The following IGSF21 variants were observed in gnomAD, a reference collection of about 807,000 sequenced individuals.
IGSF21 encodes immunoglobulin superfamily member 21.
IGSF21 carries 28 observed loss-of-function variants against 46.8 expected under a neutral mutation model. That is an observed-to-expected ratio of 0.60 (90% CI 0.44 to 0.82). The LOEUF (loss-of-function observed/expected upper bound fraction) is 0.82, where lower values mean the gene tolerates loss of function less well. Ranked by LOEUF, IGSF21 falls within the 40% of genes least tolerant of loss-of-function variation. The pLI, the probability that IGSF21 is intolerant of heterozygous loss-of-function variation, is 0.00. For synonymous variants in IGSF21, 284 were observed against 273.6 expected (o/e 1.04, Z -0.38); for missense variants, 624 against 665.5 (o/e 0.94, Z 0.69).
At chr1:18,203,465 C>A (rs1218654787) in intron 1 of IGSF21, among the ~76,000 whole-genome samples, 3 of 152,184 alleles carry the variant, frequency 2.0e-5, no homozygotes, top group Admixed American at 6.5e-5. Context: ...CATGCCGCCA[C>A]ACCTGGCTAG....
At chr1:18,194,272 TA>T (rs2086985853) in intron 1 of IGSF21, among the ~76,000 whole-genome samples, 1 of 152,216 alleles carries the variant, frequency 6.6e-6, no homozygotes, top group Non-Finnish European at 1.5e-5. Context: ...TTCATGCAGG[TA>T]CCATGTGCAG....
intron 1 of IGSF21, among the ~76,000 whole-genome samples, chr1:18,125,385 G>A (rs1056655095): frequency 7.2e-5 from 11 of 152,208 alleles, no homozygotes; most frequent in Admixed American, 2.0e-4. Flanking sequence ...ACAGGTCCTG[G>A]TGCAGGGCAG....
intron 4 of IGSF21, among the ~76,000 whole-genome samples, chr1:18,349,438 T>A (rs1366798570): frequency 6.6e-6 from 1 of 152,052 alleles, no homozygotes; most frequent in Non-Finnish European, 1.5e-5. Flanking sequence ...TCAGGAAGGC[T>A]TCATGGAGGA....
chr1:18,367,497 G>A lies in IGSF21; in HGVS notation c.1015+1800G>A, dbSNP rs547816755. Among the ~76,000 whole-genome samples the A allele has an allele frequency of 6.6e-5, 10 of 151,690 alleles. No individual in the cohort carries two copies. In the South Asian group the frequency reaches 2.1e-3, roughly 32 times the overall value. On this transcript the variant is annotated intron_variant, in intron 6 of 9. Coordinates refer to ENST00000251296, the MANE Select transcript of IGSF21 (RefSeq NM_032880.5). ...TGGTGCCTTCTTCACTCACTACCATGCCAACCACTGAACTCACCAGCCCCA... is the reference window on the plus strand; with the variant it reads ...TGGTGCCTTCTTCACTCACTACCATACCAACCACTGAACTCACCAGCCCCA...
chr1:18,196,495 G>T (rs1022186055), intron 1 of IGSF21, among the ~76,000 whole-genome samples: 5 of 152,176 alleles, frequency 3.3e-5, no homozygotes, highest in Admixed American at 2.0e-4. Context: ...CAGCAGGAGA[G>T]CCCAGGGTCT....
intron 1 of IGSF21, among the ~76,000 whole-genome samples, chr1:18,182,866 G>C (rs1458552535): frequency 6.6e-6 from 1 of 152,132 alleles, no homozygotes; most frequent in Admixed American, 6.5e-5. Flanking sequence ...GTCTGTGTCT[G>C]TCCACTTGAC....
chr1:18,132,357 T>C (rs1162180059), intron 1 of IGSF21, among the ~76,000 whole-genome samples: 1 of 152,242 alleles, frequency 6.6e-6, no homozygotes, highest in African/African-American at 2.4e-5. Context: ...CATAGGGCCC[T>C]GCCTGACTCA....
At chr1:18,238,799 A>G (rs1293893565) in intron 2 of IGSF21, among the ~76,000 whole-genome samples, 1 of 152,194 alleles carries the variant, frequency 6.6e-6, no homozygotes, top group East Asian at 1.9e-4. Flanking sequence ...AGAAAAGAGC[A>G]AGGGCCTGGG....
intron 2 of IGSF21, among the ~76,000 whole-genome samples, chr1:18,243,308 C>A (rs1048229655): frequency 6.6e-5 from 10 of 152,116 alleles, no homozygotes; most frequent in Non-Finnish European, 1.5e-4. Flanking sequence ...ACGGCATCAC[C>A]ATCCACCAGT....
chr1:18,185,842 T>C (rs1277409463), intron 1 of IGSF21, among the ~76,000 whole-genome samples: 1 of 152,226 alleles, frequency 6.6e-6, no homozygotes, highest in Non-Finnish European at 1.5e-5. Context: ...CATGTGTTTG[T>C]TGCTACTGTT....
At chr1:18,258,742 A>G (rs550219944) in intron 2 of IGSF21, among the ~76,000 whole-genome samples, 1 of 152,328 alleles carries the variant, frequency 6.6e-6, no homozygotes, top group South Asian at 2.1e-4. Context: ...CATCAATAAA[A>G]TGGGAAGATA....
Position 18,190,811 on chromosome 1 carries a change from C to G in IGSF21, c.71-37087C>G, listed in dbSNP as rs142589864. Among the ~76,000 whole-genome samples the G allele has an allele frequency of 6.0e-3, 921 of 152,326 alleles. 9 individuals are homozygous for G. The highest frequency in any genetic ancestry group is 0.02 in the African/African-American group (837 of 41,572). ...CAGCTATCACGCCATCTCCCCAGGG[C>G]ACAGTGCTTTCTCGGCTGGGCCTAA... On this transcript the variant is annotated intron_variant, in intron 1 of 9. Coordinates refer to ENST00000251296, the MANE Select transcript of IGSF21 (RefSeq NM_032880.5).
intron 3 of IGSF21, among the ~76,000 whole-genome samples, chr1:18,317,754 C>T (rs1369135465): frequency 1.3e-5 from 2 of 152,248 alleles, no homozygotes; most frequent in Non-Finnish European, 2.9e-5. Flanking sequence ...AATGCCAATG[C>T]ATGGCATGAT....
chr1:18,221,901 G>A (rs1004822652), intron 1 of IGSF21, among the ~76,000 whole-genome samples: 2 of 152,128 alleles, frequency 1.3e-5, no homozygotes, highest in African/African-American at 4.8e-5. Context: ...GGCCTCCCAG[G>A]TTCAGGCTCA....
intron 1 of IGSF21, among the ~76,000 whole-genome samples, chr1:18,196,498 C>T (rs967500469): frequency 6.6e-6 from 1 of 152,130 alleles, no homozygotes; most frequent in Non-Finnish European, 1.5e-5. Flanking sequence ...CAGGAGAGCC[C>T]AGGGTCTGTC....
intron 1 of IGSF21, among the ~76,000 whole-genome samples, chr1:18,171,112 G>T (rs534202355): frequency 6.6e-6 from 1 of 152,088 alleles, no homozygotes; most frequent in Non-Finnish European, 1.5e-5. Context: ...CAAGTGTCTC[G>T]GTGTCTTGTA....
chr1:18,276,663 G>A (rs1490889859), intron 2 of IGSF21, among the ~76,000 whole-genome samples: 1 of 152,086 alleles, frequency 6.6e-6, no homozygotes, highest in Non-Finnish European at 1.5e-5. Context: ...TTCATTTGCT[G>A]AGAGCTGGGG....
chr1:18,237,867 G>A (rs2084687619), intron 2 of IGSF21, among the ~76,000 whole-genome samples: 2 of 152,114 alleles, frequency 1.3e-5, no homozygotes, highest in Admixed American at 1.3e-4. Flanking sequence ...AGAGTTTAGG[G>A]GATTCCAATG....
chr1:18,190,164 GAC>G (rs2086941598), intron 1 of IGSF21, among the ~76,000 whole-genome samples: 1 of 152,188 alleles, frequency 6.6e-6, no homozygotes, highest in Non-Finnish European at 1.5e-5. Context: ...GCTGGATGAG[GAC>G]ACAAAGCCCT....
Sources: allele counts gnomAD v4.1 joint callset (sites outside exome capture counted in the v4.1 genomes callset), GRCh38; gene constraint gnomAD v4.1.1; transcripts MANE v1.5; gene names NCBI Gene and HGNC (gene_info 2026-07-23, HGNC 2026-07-21).